The following C1orf94 variants were observed in gnomAD, a reference collection of about 807,000 sequenced individuals.
C1orf94 encodes uncharacterized protein C1orf94.
Under a neutral mutation model 53.6 loss-of-function variants are expected in C1orf94, and 45 were observed. That is an observed-to-expected ratio of 0.84 (90% CI 0.66 to 1.08). C1orf94 has a LOEUF of 1.08. C1orf94 is among the 50% of genes least tolerant of loss of function. The pLI is 0.00. For synonymous variants in C1orf94, 304 were observed against 296.1 expected (o/e 1.03, Z -0.27); for missense variants, 762 against 738.9 (o/e 1.03, Z -0.36).
chr1:34,212,218 A>C lies in C1orf94; in HGVS notation c.1533A>C (p.Pro511=), dbSNP rs758778448. Residue 511 remains proline, a synonymous_variant, in exon 6 of 7, where the codon CCA becomes CCC. Coordinates refer to ENST00000488417, the MANE Select transcript of C1orf94 (RefSeq NM_001134734.2). ...QLGCYSQQVM[P]YNPQQMGQQI... ...TTCTCTGTGATGTGCAGGTGATGCC[A>C]TACAACCCACAGCAGATGGGACAGC... 2 of 1,610,374 alleles carry C rather than the reference A, an allele frequency of 1.2e-6. No homozygotes were observed. The highest frequency in any genetic ancestry group is 1.7e-6 in the Non-Finnish European group (2 of 1,178,102).
chr1:34,175,099 T>C (rs1047966910), upstream of C1orf94, among the ~76,000 whole-genome samples: 1 of 152,162 alleles, frequency 6.6e-6, no homozygotes. Flanking sequence ...TCTAAGTACA[T>C]CACTTAAGAT....
chr1:34,172,992 T>C (rs1156572394), upstream of C1orf94, among the ~76,000 whole-genome samples: 2 of 152,176 alleles, frequency 1.3e-5, no homozygotes, highest in Non-Finnish European at 1.5e-5. Context: ...AGCGTTTGAG[T>C]CCTAAATATT....
At chr1:34,195,702 T>A (rs532115519) in intron 1 of C1orf94, among the ~76,000 whole-genome samples, 1 of 152,258 alleles carries the variant, frequency 6.6e-6, no homozygotes, top group South Asian at 2.1e-4. Context: ...TCTGATTGAC[T>A]GTTAAATGCA....
At chr1:34,203,102 A>C (rs1642738712) in intron 4 of C1orf94, among the ~76,000 whole-genome samples, 1 of 152,000 alleles carries the variant, frequency 6.6e-6, no homozygotes, top group South Asian at 2.1e-4. Context: ...ACATCTTTAT[A>C]TGTCATTGTA....
chr1:34,177,821 T>C lies in C1orf94; in HGVS notation c.32T>C (p.Leu11Pro), dbSNP rs1401749740. Residue 11 changes from leucine (L) to proline (P), a missense_variant, in exon 1 of 7, where the codon CTG becomes CCG. Transcript: ENST00000488417. Reference sequence around the variant, plus strand: ...GGTGGTGGTGGTTGTGTTCTAGCCCTGGGTGGACAGAGGGGCTTCCAGAAA... The same window carrying C: ...GGTGGTGGTGGTTGTGTTCTAGCCCCGGGTGGACAGAGGGGCTTCCAGAAA... MRGGGGCVLA[L>P]GGQRGFQKER... The C allele has an allele frequency of 1.0e-5, 16 of 1,548,332 alleles. No homozygotes were observed.
In C1orf94 at chr1:34,187,866, G is replaced by A. The variant is rs569093065; in HGVS notation, c.321-9359G>A. Among the ~76,000 whole-genome samples the A allele has an allele frequency of 1.0e-4, 15 of 149,718 alleles. No individual in the cohort carries two copies. In the South Asian group the frequency reaches 2.1e-3, roughly 21 times the overall value. ...GAGAATCAGGTGGAGGACATTGTGG[G>A]AAGCAGGGTATCTCACTTCCACCTG... On this transcript the variant is annotated intron_variant, in intron 1 of 6. Coordinates refer to ENST00000488417, the MANE Select transcript of C1orf94 (RefSeq NM_001134734.2).
At chr1:34,186,162 A>T (rs1642382367) in intron 1 of C1orf94, among the ~76,000 whole-genome samples, 1 of 152,238 alleles carries the variant, frequency 6.6e-6, no homozygotes, top group Non-Finnish European at 1.5e-5. Flanking sequence ...AAGGTGGCCC[A>T]GATAACAAAA....
Position 34,202,224 on chromosome 1 carries a change from G to A in C1orf94, c.1411G>A (p.Val471Met). The A allele has an allele frequency of 2.5e-6, 4 of 1,614,198 alleles. No homozygotes were observed. Among genetic ancestry groups the A allele is most frequent in the Non-Finnish European group, 3.4e-6 (4 of 1,180,032 alleles). Reference protein sequence around the residue: ...WLNLNYPPPPVFTNHSTFLQY... With the variant: ...WLNLNYPPPPMFTNHSTFLQY... Reference sequence around the variant, plus strand: ...CAACCTGAACTATCCACCTCCACCAGTGTTCACGAATCACTCTACCTTCTT... The same window carrying A: ...CAACCTGAACTATCCACCTCCACCAATGTTCACGAATCACTCTACCTTCTT... The change falls in exon 4 of 7, where the codon GTG becomes ATG. Residue 471 changes from valine to methionine, a missense_variant. By Grantham distance (21) the Val-to-Met change is conservative (BLOSUM62 1). Transcript: ENST00000488417.
In C1orf94 at chr1:34,197,378, T is replaced by C; in HGVS notation, c.474T>C (p.Ala158=). Residue 158 remains alanine (A), a synonymous_variant, in exon 2 of 7, where the codon GCT becomes GCC. Coordinates refer to ENST00000488417, the MANE Select transcript of C1orf94 (RefSeq NM_001134734.2). This position sits in a 1 kb window ranked among gnomAD's most constrained non-coding sequence, Gnocchi z 4.1. ...GSSPEGTREL[A]PCILAPPLVA... ...CTCCCGAGGGGACCAGAGAGCTGGC[T>C]CCCTGCATTCTTGCCCCTCCTCTAG... 1 of 1,613,050 alleles carries C rather than the reference T, an allele frequency of 6.2e-7. No individual in the cohort carries two copies. The highest frequency in any genetic ancestry group is 8.5e-7 in the Non-Finnish European group (1 of 1,179,422).
At chr1:34,167,466 G>A (rs142001706) in intron 1 of C1orf94, among the ~76,000 whole-genome samples, 1 of 152,300 alleles carries the variant, frequency 6.6e-6, no homozygotes, top group East Asian at 1.9e-4. Context: ...GAACTTTCCC[G>A]GGCAAAAGGA....
chr1:34,213,913 C>T lies in C1orf94; in HGVS notation c.1721+1507C>T, dbSNP rs533941693. 2.6e-4 allele frequency among the ~76,000 whole-genome samples: 39 copies of T among 152,198 alleles called. No homozygotes were observed. The Middle Eastern group carries it at 0.01, about 40-fold the overall frequency. On this transcript the variant is annotated intron_variant, in intron 6 of 6. Coordinates refer to ENST00000488417, the MANE Select transcript of C1orf94 (RefSeq NM_001134734.2). ...TTCCTCCCTCCCTCCCTCTTTTCCT[C>T]TCTCCCTCCCTTTCTCTTCCTTTCT...
intron 1 of C1orf94, among the ~76,000 whole-genome samples, chr1:34,190,904 G>A (rs1231008822): frequency 6.6e-6 from 1 of 152,208 alleles, no homozygotes; most frequent in Non-Finnish European, 1.5e-5. Flanking sequence ...CATTTCTACA[G>A]TTTGGCAATT....
In C1orf94 at chr1:34,205,024, C is replaced by T. The variant is rs145106225; in HGVS notation, c.1446+2765C>T. ...TCTAAAATGCCCTCACAGAGCTCAC[C>T]GTGTAAAACTAATTTGCAATGGTTT... On this transcript the variant is annotated intron_variant, in intron 4 of 6. Transcript: ENST00000488417. Among the ~76,000 whole-genome samples the T allele has an allele frequency of 2.3e-3, 354 of 152,294 alleles. 2 individuals carry two copies. Among genetic ancestry groups the T allele is most frequent in the Non-Finnish European group, 4.0e-3 (273 of 68,024 alleles).
intron 4 of C1orf94, among the ~76,000 whole-genome samples, chr1:34,207,262 GGTGTGTGTGTGT>G (rs58794132): frequency 0.024 from 3,496 of 147,392 alleles, 51 homozygotes; most frequent in Admixed American, 0.056. Flanking sequence ...AGTTCTGCGG[GGTGTGTGTGTGT>G]GTGTGTGTGT....
At chr1:34,184,569 T>G (rs1642357711) in intron 1 of C1orf94, among the ~76,000 whole-genome samples, 1 of 152,198 alleles carries the variant, frequency 6.6e-6, no homozygotes, top group African/African-American at 2.4e-5. Context: ...AGAAGTGGTT[T>G]ATTGATTGGC....
chr1:34,205,128 T>C (rs1443494662), intron 4 of C1orf94, among the ~76,000 whole-genome samples: 2 of 152,220 alleles, frequency 1.3e-5, no homozygotes, highest in African/African-American at 2.4e-5. Flanking sequence ...TTTGGACATA[T>C]CATTTTCTGA....
intron 2 of C1orf94, 96 bp downstream of exon 2, chr1:34,198,009 C>T (rs1156567327): frequency 7.8e-7 from 1 of 1,287,094 alleles, no homozygotes. Context: ...AAAGCATCTT[C>T]ATGCAAAGCA....
At position 34,177,679 on chromosome 1, in the gene C1orf94, C is replaced by T; in HGVS notation, c.-111C>T. The T allele has an allele frequency of 1.1e-6, 1 of 939,252 alleles. No homozygotes were observed. Among genetic ancestry groups the T allele is most frequent in the East Asian group, 2.7e-5 (1 of 37,460 alleles). 58.2% of individuals were successfully genotyped at this position (939,252 alleles called of 1,614,324 possible). On this transcript the variant is annotated 5_prime_UTR_variant, in exon 1 of 7. Transcript: ENST00000488417. ...CCAAAAGAAAGCTGTCCTCCACCCA[C>T]CCCTCCCACACAAATAGAAGGCCTC...
chr1:34,207,262 GGTGTGTGTGTGTGTGTGT>G (rs58794132), intron 4 of C1orf94, among the ~76,000 whole-genome samples: 11 of 147,346 alleles, frequency 7.5e-5, no homozygotes, highest in African/African-American at 2.5e-4. Flanking sequence ...AGTTCTGCGG[GGTGTGTGTGTGTGTGTGT>G]GTGTGTGTGT....
Sources: allele counts gnomAD v4.1 joint callset (sites outside exome capture counted in the v4.1 genomes callset), GRCh38; gene constraint gnomAD v4.1.1; non-coding constraint Gnocchi (gnomAD v3.1); transcripts MANE v1.5; gene names NCBI Gene and HGNC (gene_info 2026-07-23, HGNC 2026-07-21).